RAB3GAP2: variants seen among roughly 807,000 people sequenced by gnomAD.
The protein encoded by RAB3GAP2 is RAB3 GTPase activating non-catalytic protein subunit 2.
A neutral mutation model predicts 185.3 loss-of-function variants in RAB3GAP2; 87 were observed. That is an observed-to-expected ratio of 0.47 (90% CI 0.39 to 0.56). The LOEUF (loss-of-function observed/expected upper bound fraction) is 0.56, where lower values mean the gene tolerates loss of function less well. RAB3GAP2 is among the 20% of genes least tolerant of loss of function. The pLI, the probability that RAB3GAP2 is intolerant of heterozygous loss-of-function variation, is 0.00. For synonymous variants in RAB3GAP2, 554 were observed against 576.1 expected, an observed-to-expected ratio of 0.96 and a Z score of 0.55; for missense variants, 1,492 against 1,638.2, an observed-to-expected ratio of 0.91 and a Z score of 1.54.
chr1:220,194,915 T>TTCACATG (rs1285982690), intron 12 of RAB3GAP2, among the ~76,000 whole-genome samples, 163 bp downstream of exon 12: 1 of 152,222 alleles, frequency 6.6e-6, no homozygotes, highest in Non-Finnish European at 1.5e-5. Context: ...AGAATCACTC[T>TTCACATG]TCACATGGAG....
chr1:220,233,311 A>G (rs1316547074), intron 1 of RAB3GAP2, among the ~76,000 whole-genome samples: 1 of 152,250 alleles, frequency 6.6e-6, no homozygotes, highest in African/African-American at 2.4e-5. Context: ...ACTAATCATC[A>G]ATGGAAAATA....
At chr1:220,169,729 C>T (rs557554217) in intron 24 of RAB3GAP2, among the ~76,000 whole-genome samples, 154 of 152,194 alleles carry the variant, frequency 1.0e-3, no homozygotes, top group Middle Eastern at 6.8e-3. Flanking sequence ...TCTCATGATC[C>T]CCTTAAAATT....
rs148159496 is a variant in RAB3GAP2, at chr1:220,234,147, G to A, written c.116-1284C>T. Among the ~76,000 whole-genome samples the A allele has an allele frequency of 8.8e-3, 1,340 of 152,316 alleles. 10 individuals are homozygous for A. Among genetic ancestry groups the A allele is most frequent in the Middle Eastern group, 0.055 (16 of 292 alleles). ...AACATGACTACCTCTATCTGGTAGG[G>A]TTGTTGTAAGGACTTACACCAGATA... is the stretch of plus-strand genomic sequence containing the variant. On this transcript the variant is annotated intron_variant, in intron 1 of 34. Coordinates refer to ENST00000358951, the MANE Select transcript of RAB3GAP2 (RefSeq NM_012414.4).
chr1:220,185,877 T>C, intron 17 of RAB3GAP2, 136 bp from the exon 18 acceptor site: 2 of 662,450 alleles, frequency 3.0e-6, no homozygotes, highest in Non-Finnish European at 5.3e-6. Flanking sequence ...TTAGTGTACA[T>C]ATATTAAATC....
chr1:220,240,868 T>C (rs1410958963), intron 1 of RAB3GAP2, among the ~76,000 whole-genome samples: 1 of 152,094 alleles, frequency 6.6e-6, no homozygotes, highest in African/African-American at 2.4e-5. Context: ...CCAAGTTAAA[T>C]GTTTTGACTG....
At chr1:220,196,695 G>C (rs988102905) in intron 9 of RAB3GAP2, among the ~76,000 whole-genome samples, 1 of 151,862 alleles carries the variant, frequency 6.6e-6, no homozygotes, top group Non-Finnish European at 1.5e-5. Flanking sequence ...GCCATGCATG[G>C]TGGTGGGTGC....
intron 12 of RAB3GAP2, among the ~76,000 whole-genome samples, 156 bp downstream of exon 12, chr1:220,194,922 G>C: frequency 6.6e-6 from 1 of 152,144 alleles, no homozygotes; most frequent in East Asian, 1.9e-4. Flanking sequence ...CTCTTCACAT[G>C]GAGTTTTACA....
At chr1:220,159,352 C>T (rs1310579966) in intron 29 of RAB3GAP2, 34 bp downstream of exon 29, 1 of 1,572,314 alleles carries the variant, frequency 6.4e-7, no homozygotes. Context: ...GTGGAATTAA[C>T]AACCATAATT....
rs777362504 is a variant in RAB3GAP2, at chr1:220,167,549, C to T, written c.2933G>A (p.Ser978Asn). ...PDEPKEGVNRSFLEVSEMEMD... is the reference protein window; with the variant it reads ...PDEPKEGVNRNFLEVSEMEMD... ...CTCCATCTCTGATACCTCAAGGAAA[C>T]TTCTGTTAACACCTTCTTTGGGTTC... The change falls in exon 25 of 35, where the codon AGT (serine) becomes AAT (asparagine). Residue 978 changes from serine (S) to asparagine (N), a missense_variant. Ser to Asn is a conservative substitution (Grantham distance 46). This residue lies in a region of RAB3GAP2 where 681 missense variants were observed against 689.1 expected (regional missense o/e 0.99). Transcript: ENST00000358951. The T allele has an allele frequency of 6.2e-7, 1 of 1,614,180 alleles. No individual in the cohort carries two copies. Among genetic ancestry groups the T allele is most frequent in the Non-Finnish European group, 8.5e-7 (1 of 1,180,034 alleles).
intron 1 of RAB3GAP2, among the ~76,000 whole-genome samples, chr1:220,244,257 C>T (rs1266209128): frequency 1.3e-5 from 2 of 152,130 alleles, no homozygotes; most frequent in African/African-American, 4.8e-5. Flanking sequence ...TACTATACAC[C>T]AACAATGACC....
chr1:220,181,595 A>G (rs192339514), intron 21 of RAB3GAP2, among the ~76,000 whole-genome samples: 101 of 152,268 alleles, frequency 6.6e-4, no homozygotes, highest in African/African-American at 2.3e-3. Flanking sequence ...ACAATTCCAC[A>G]TTGCTTTATG....
intron 21 of RAB3GAP2, among the ~76,000 whole-genome samples, chr1:220,177,213 C>T (rs1335516468): frequency 6.6e-6 from 1 of 152,218 alleles, no homozygotes; most frequent in Non-Finnish European, 1.5e-5. Context: ...GCCACATAAA[C>T]TTCAGAGCTC....
At chr1:220,175,380 G>C (rs939821770) in intron 21 of RAB3GAP2, among the ~76,000 whole-genome samples, 1 of 152,020 alleles carries the variant, frequency 6.6e-6, no homozygotes, top group Non-Finnish European at 1.5e-5. Flanking sequence ...CACCATGCCC[G>C]GCTAATTTTT....
At chr1:220,176,434 A>G (rs1044468758) in intron 21 of RAB3GAP2, among the ~76,000 whole-genome samples, 1 of 152,168 alleles carries the variant, frequency 6.6e-6, no homozygotes, top group Non-Finnish European at 1.5e-5. Flanking sequence ...TCCAGATTGA[A>G]GCCCAGAAAC....
rs558213924 is a variant in RAB3GAP2, at chr1:220,168,794, T to A, written c.2807-1119A>T. Among the ~76,000 whole-genome samples, 3 of 152,332 alleles carry A rather than the reference T, an allele frequency of 2.0e-5. No individual in the cohort carries two copies. In the South Asian group the frequency reaches 6.2e-4, roughly 32 times the overall value. The stretch of plus-strand genomic sequence containing the variant: ...ACAGCATTATATCATGTCTCAGTCA[T>A]CAATATAGTACAAAAAATTGTAAAC... On this transcript the variant is annotated intron_variant, in intron 24 of 34. Transcript: ENST00000358951.
At chr1:220,190,167 A>G in intron 15 of RAB3GAP2, 21 bp from the exon 16 acceptor site, 1 of 1,586,536 alleles carries the variant, frequency 6.3e-7, no homozygotes, top group Admixed American at 1.7e-5. Context: ...AAATATAACA[A>G]ATTATTACAG....
intron 17 of RAB3GAP2, among the ~76,000 whole-genome samples, chr1:220,187,538 G>A (rs1658528387): frequency 6.6e-6 from 1 of 152,130 alleles, no homozygotes; most frequent in African/African-American, 2.4e-5. Context: ...TGACCTCTGG[G>A]GAGCCAAGAG....
At position 220,171,032 on chromosome 1, in the gene RAB3GAP2, A is replaced by C. The variant is rs1292291354; in HGVS notation, c.2666T>G (p.Leu889Arg). ...LSLDTEYWKL[L>R]LKQLEDCLIL... Reference sequence around the variant, plus strand: ...GAGACAATCCTCCAGCTGTTTCAGAAGGAGTTTCCAGTACTCAGTGTCAAG... The same window carrying C: ...GAGACAATCCTCCAGCTGTTTCAGACGGAGTTTCCAGTACTCAGTGTCAAG... Residue 889 changes from leucine (L) to arginine (R), a missense_variant, in exon 24 of 35, where the codon CTT (leucine) becomes CGT (arginine). By Grantham distance (102) the Leu-to-Arg change is moderately radical. This residue lies in a region of RAB3GAP2 where 681 missense variants were observed against 689.1 expected (regional missense o/e 0.99). Transcript: ENST00000358951. 3 of 1,614,030 alleles carry C rather than the reference A, an allele frequency of 1.9e-6. No individual in the cohort carries two copies. Among genetic ancestry groups the C allele is most frequent in the Admixed American group, 1.7e-5 (1 of 59,992 alleles).
At chr1:220,260,349 G>A (rs1376773657) in intron 1 of RAB3GAP2, among the ~76,000 whole-genome samples, 2 of 152,134 alleles carry the variant, frequency 1.3e-5, no homozygotes, top group South Asian at 4.1e-4. Flanking sequence ...CAACGTAAAT[G>A]CCCATCAATG....
Sources: allele counts gnomAD v4.1 joint callset (sites outside exome capture counted in the v4.1 genomes callset), GRCh38; gene constraint gnomAD v4.1.1; regional missense constraint gnomAD v4.1.1; transcripts MANE v1.5; gene names NCBI Gene and HGNC (gene_info 2026-07-23, HGNC 2026-07-21).